The following ADCY5 variants were observed in gnomAD, a reference collection of about 807,000 sequenced individuals.
ADCY5 encodes adenylate cyclase type 5.
ADCY5 carries 30 observed loss-of-function variants against 119.7 expected under a neutral mutation model. The ratio of observed to expected loss-of-function variants is 0.25; its 90% CI spans 0.19 to 0.34. The LOEUF (loss-of-function observed/expected upper bound fraction) is 0.34, where lower values mean the gene tolerates loss of function less well. Ranked by LOEUF, ADCY5 falls within the 10% of genes least tolerant of loss-of-function variation. The pLI, the probability that ADCY5 is intolerant of heterozygous loss-of-function variation, is 1.00. For synonymous variants in ADCY5, 753 were observed against 762.2 expected (o/e 0.99, Z 0.20); for missense variants, 1,324 against 1,775.2 (o/e 0.75, Z 4.57).
At chr3:123,351,190 G>C (rs551500550) in intron 2 of ADCY5, among the ~76,000 whole-genome samples, 52 of 152,158 alleles carry the variant, frequency 3.4e-4, no homozygotes, top group Non-Finnish European at 5.6e-4. Flanking sequence ...GGTGGGGACT[G>C]GGGGGCCTGG....
chr3:123,322,190 A>AC lies in ADCY5; in HGVS notation c.2089-1420dup, dbSNP rs201152578. Among the ~76,000 whole-genome samples the AC allele has an allele frequency of 7.9e-5, 12 of 151,798 alleles. No homozygotes were observed. The East Asian group carries it at 2.3e-3, about 29-fold the overall frequency. Reference sequence around the variant, plus strand: ...TGGACAGGCGAGCTCCCTGTGGAAGACCCCCTGCGAGGGGTTGGCCCACTC... The same window carrying AC: ...TGGACAGGCGAGCTCCCTGTGGAAGACCCCCCTGCGAGGGGTTGGCCCACTC... On this transcript the variant is annotated intron_variant, in intron 8 of 20. Coordinates refer to ENST00000462833, the MANE Select transcript of ADCY5 (RefSeq NM_183357.3).
chr3:123,331,489 G>T (rs1941762179), intron 4 of ADCY5, among the ~76,000 whole-genome samples: 2 of 152,328 alleles, frequency 1.3e-5, no homozygotes, highest in Non-Finnish European at 2.9e-5. Flanking sequence ...GAAGCAGGCA[G>T]AAATGAGCTT....
chr3:123,397,902 G>C (rs1227262948), intron 1 of ADCY5, among the ~76,000 whole-genome samples: 1 of 152,146 alleles, frequency 6.6e-6, no homozygotes. Context: ...GGACTGTGTG[G>C]GTGTAGACAC....
At chr3:123,312,231 C>T (rs966742810) in intron 12 of ADCY5, among the ~76,000 whole-genome samples, 13 of 152,172 alleles carry the variant, frequency 8.5e-5, no homozygotes, top group African/African-American at 3.1e-4. Flanking sequence ...AGCTTTGATT[C>T]TGATTTGAAT....
chr3:123,404,352 C>G (rs954706939), intron 1 of ADCY5: 3 of 152,324 alleles, frequency 2.0e-5, no homozygotes, highest in Admixed American at 2.0e-4. Flanking sequence ...TTGCCAGACA[C>G]AGTGGGTGAG....
At chr3:123,402,145 C>G (rs930304057) in intron 1 of ADCY5, among the ~76,000 whole-genome samples, 1 of 152,280 alleles carries the variant, frequency 6.6e-6, no homozygotes, top group South Asian at 2.1e-4. Context: ...TCTCTATGAG[C>G]TGAGATAGGC....
At chr3:123,393,447 C>G (rs1039948205) in intron 1 of ADCY5, among the ~76,000 whole-genome samples, 11 of 151,912 alleles carry the variant, frequency 7.2e-5, no homozygotes, top group Admixed American at 1.3e-4. Context: ...GCCTTAGTTA[C>G]CAGGGAGGCT....
chr3:123,325,491 G>C, intron 7 of ADCY5, 29 bp from the exon 8 acceptor site: 10 of 1,612,788 alleles, frequency 6.2e-6, no homozygotes, highest in Non-Finnish European at 8.5e-6. Context: ...GATGGGGGGA[G>C]ATGAGGAGTC....
In ADCY5 at chr3:123,314,786, C is replaced by A. The variant is rs1056668539; in HGVS notation, c.2355-464G>T. 4.6e-5 allele frequency among the ~76,000 whole-genome samples: 7 copies of A among 152,018 alleles called. No homozygotes were observed. In the South Asian group the frequency reaches 1.5e-3, roughly 31 times the overall value. On this transcript the variant is annotated intron_variant, in intron 11 of 20. Coordinates refer to ENST00000462833, the MANE Select transcript of ADCY5 (RefSeq NM_183357.3). ...GAAAACTGATTGGATCAGTAGCCTT[C>A]ATTTCTAGAAATGCCTATGTCAGCA...
At position 123,283,818 on chromosome 3, in the gene ADCY5, CAAAATAA is replaced by C. The variant is rs1938543600; in HGVS notation, c.*783_*789del. On this transcript the variant is annotated 3_prime_UTR_variant, in exon 21 of 21. Coordinates refer to ENST00000462833, the MANE Select transcript of ADCY5 (RefSeq NM_183357.3). ...GAGATCTCCAAGGCTTTCAATAATA[CAAAATAA>C]AAAATACAAAAAAGACAAGTGGGGA... 6.6e-6 allele frequency: 1 copy of C among 152,074 alleles called. No homozygotes were observed. Among genetic ancestry groups the C allele is most frequent in the African/African-American group, 2.4e-5 (1 of 41,384 alleles). 9.4% of individuals were successfully genotyped at this position (152,074 alleles called of 1,614,324 possible). A position where few individuals can be genotyped will look rare whatever the true frequency, so the allele number is the denominator to read the frequency against.
At position 123,417,836 on chromosome 3, in the gene ADCY5, A is replaced by G. The variant is rs115901703; in HGVS notation, c.1134+29576T>C. Reference sequence around the variant, plus strand: ...TCCAGCCCTGACATTCTAGAATTTTATGAAATAGAACTCCGAAAATGATAT... The same window carrying G: ...TCCAGCCCTGACATTCTAGAATTTTGTGAAATAGAACTCCGAAAATGATAT... On this transcript the variant is annotated intron_variant, in intron 1 of 20. Coordinates refer to ENST00000462833, the MANE Select transcript of ADCY5 (RefSeq NM_183357.3). Among the ~76,000 whole-genome samples, 393 of 152,302 alleles carry G rather than the reference A, an allele frequency of 2.6e-3. 2 individuals are homozygous for G. Among genetic ancestry groups the G allele is most frequent in the Non-Finnish European group, 4.5e-3 (307 of 68,028 alleles).
chr3:123,385,325 T>C (rs952238818), intron 1 of ADCY5, among the ~76,000 whole-genome samples: 5 of 143,172 alleles, frequency 3.5e-5, no homozygotes, highest in Admixed American at 6.9e-5. Context: ...GCACGACCAG[T>C]GCTGTAGTCT....
intron 1 of ADCY5, among the ~76,000 whole-genome samples, chr3:123,378,454 G>T (rs904873696): frequency 2.6e-5 from 4 of 152,182 alleles, no homozygotes; most frequent in South Asian, 4.1e-4. Flanking sequence ...CAAGGGGAAG[G>T]CCAGACTCTT....
At position 123,286,610 on chromosome 3, in the gene ADCY5, C is replaced by CTGCCCTGAA; in HGVS notation, c.3657+66_3657+74dup. 1.3e-6 allele frequency: 2 copies of CTGCCCTGAA among 1,503,692 alleles called. No individual in the cohort carries two copies. Among genetic ancestry groups the CTGCCCTGAA allele is most frequent in the Admixed American group, 2.3e-5 (1 of 43,416 alleles). 93.1% of individuals were successfully genotyped at this position (1,503,692 alleles called of 1,614,324 possible). On this transcript the variant is annotated intron_variant, in intron 20 of 20. Coordinates refer to ENST00000462833, the MANE Select transcript of ADCY5 (RefSeq NM_183357.3). This position sits in a 1 kb window ranked among gnomAD's most constrained non-coding sequence, Gnocchi z 4.2. ...ATTCTGACTGGGAACTGTAGGTGGC[C>CTGCCCTGAA]TGCCCTGAAGACCTCTCGGTGTCAG...
rs1194208794 is a variant in ADCY5 at position 123,391,240 on chromosome 3, C to T, written c.1135-38659G>A. On this transcript the variant is annotated intron_variant, in intron 1 of 20. Transcript: ENST00000462833. ...GTGGGTCTGGGGTAAGGAAAGGGAG[C>T]TACATTCTGAGGATTTCAAAGCACG... Among the ~76,000 whole-genome samples the T allele has an allele frequency of 7.2e-5, 11 of 152,212 alleles. No homozygotes were observed. The South Asian group carries it at 2.1e-3, about 29-fold the overall frequency.
intron 12 of ADCY5, among the ~76,000 whole-genome samples, chr3:123,313,793 TA>T (rs1447930526): frequency 6.6e-6 from 1 of 152,172 alleles, no homozygotes; most frequent in Non-Finnish European, 1.5e-5. Flanking sequence ...TCAAGACCTA[TA>T]ATCTCTGAGG....
At chr3:123,416,237 T>C in intron 1 of ADCY5, 1 of 1,536,150 alleles carries the variant, frequency 6.5e-7, no homozygotes, top group Non-Finnish European at 8.7e-7. Context: ...AGGTCACCTC[T>C]GCTGCAACAG....
At position 123,421,455 on chromosome 3, in the gene ADCY5, C is replaced by T. The variant is rs578223255; in HGVS notation, c.1134+25957G>A. ...CACGTCATACTGTTAGCACTTGTGC[C>T]GGTTCTGAGCAGCACAGACATTATC... is the stretch of plus-strand genomic sequence containing the variant. On this transcript the variant is annotated intron_variant, in intron 1 of 20. Transcript: ENST00000462833. Among the ~76,000 whole-genome samples, 9 of 152,264 alleles carry T rather than the reference C, an allele frequency of 5.9e-5. No homozygotes were observed. In the East Asian group the frequency reaches 9.6e-4, roughly 16 times the overall value.
intron 1 of ADCY5, among the ~76,000 whole-genome samples, chr3:123,407,792 A>C (rs2107618711): frequency 1.0e-5 from 1 of 95,900 alleles, no homozygotes; most frequent in East Asian, 3.8e-4. Flanking sequence ...GCAAAGTGAA[A>C]GAAGTCAGAC....
Sources: gnomAD v4.1 joint callset for allele counts (sites outside exome capture counted in the v4.1 genomes callset) on GRCh38, gnomAD v4.1.1 for gene constraint, Gnocchi (gnomAD v3.1) non-coding constraint, MANE v1.5 for transcripts, NCBI Gene and HGNC (gene_info 2026-07-23, HGNC 2026-07-21) for gene names.